Variants in NAV1 observed in about 807,000 individuals in gnomAD.
The protein encoded by NAV1 is pore membrane and/or filament interacting like protein 3.
Under a neutral mutation model 175.2 loss-of-function variants are expected in NAV1, and 18 were observed. The observed-to-expected ratio is 0.10, with a 90% CI of 0.07 to 0.15. The LOEUF is 0.15. NAV1 is among the 10% of genes least tolerant of loss of function. NAV1 has a pLI of 1.00. For missense variants in NAV1, 1,731 were observed against 2,436.6 expected (o/e 0.71, Z 6.10); for synonymous variants, 897 against 978.7 (o/e 0.92, Z 1.56).
chr1:201,769,400 T>C (rs944897520), intron 3 of NAV1, among the ~76,000 whole-genome samples: 1 of 152,206 alleles, frequency 6.6e-6, no homozygotes, highest in Admixed American at 6.5e-5. Context: ...CCATCAACTC[T>C]AGCAAGTGAG....
At chr1:201,766,858 A>G (rs947527389) in intron 3 of NAV1, among the ~76,000 whole-genome samples, 22 of 152,072 alleles carry the variant, frequency 1.4e-4, no homozygotes, top group African/African-American at 4.6e-4. Context: ...GAGTCTTGCT[A>G]TGTCGCCAGG....
At chr1:201,657,626 C>G (rs1215523127) in intron 1 of NAV1, among the ~76,000 whole-genome samples, 1 of 152,222 alleles carries the variant, frequency 6.6e-6, no homozygotes, top group Non-Finnish European at 1.5e-5. Flanking sequence ...CAGAGTGGCT[C>G]CCTGCCGGGG....
chr1:201,561,431 C>T (rs759070670), intron 1 of NAV1, among the ~76,000 whole-genome samples: 24 of 151,420 alleles, frequency 1.6e-4, no homozygotes, highest in Middle Eastern at 3.4e-3. Flanking sequence ...AATCCTGATT[C>T]TGTTACTTAC....
At chr1:201,652,600 C>T (rs1669248088) in intron 1 of NAV1, among the ~76,000 whole-genome samples, 3 of 152,094 alleles carry the variant, frequency 2.0e-5, no homozygotes, top group African/African-American at 7.2e-5. Flanking sequence ...AGGCTGCATT[C>T]CTGAGTTCTC....
intron 1 of NAV1, among the ~76,000 whole-genome samples, chr1:201,702,028 T>G (rs1055178673): frequency 6.6e-6 from 1 of 152,188 alleles, no homozygotes; most frequent in Non-Finnish European, 1.5e-5. Flanking sequence ...ATCCATACAA[T>G]GGAATATCAT....
At chr1:201,592,476 G>A (rs1382401033) in intron 2 of NAV1, among the ~76,000 whole-genome samples, 1 of 152,198 alleles carries the variant, frequency 6.6e-6, no homozygotes, top group Non-Finnish European at 1.5e-5. Context: ...CACAGCCAAG[G>A]TGGCAGTGCT....
chr1:201,600,348 C>T (rs779030259), intron 2 of NAV1, among the ~76,000 whole-genome samples: 9 of 152,194 alleles, frequency 5.9e-5, no homozygotes, highest in Non-Finnish European at 8.8e-5. Context: ...ACAATAACCC[C>T]AACGACTTCT....
At chr1:201,693,900 T>G (rs142091811) in intron 1 of NAV1, among the ~76,000 whole-genome samples, 1 of 152,328 alleles carries the variant, frequency 6.6e-6, no homozygotes, top group East Asian at 1.9e-4. Context: ...TTTGCATGGA[T>G]AAGATGTGCT....
At chr1:201,608,357 T>G (rs1667749019) in intron 2 of NAV1, among the ~76,000 whole-genome samples, 1 of 152,222 alleles carries the variant, frequency 6.6e-6, no homozygotes, top group South Asian at 2.1e-4. Flanking sequence ...TGCGAGTTTC[T>G]GATCCAAGTC....
intron 2 of NAV1, among the ~76,000 whole-genome samples, chr1:201,601,071 G>A (rs558938397): frequency 8.7e-4 from 133 of 152,342 alleles, no homozygotes; most frequent in African/African-American, 2.8e-3. Flanking sequence ...CTAGCTCCAG[G>A]GAGCTACTCA....
At chr1:201,592,036 C>A (rs181468989) in intron 2 of NAV1, among the ~76,000 whole-genome samples, 1 of 152,150 alleles carries the variant, frequency 6.6e-6, no homozygotes, top group Non-Finnish European at 1.5e-5. Context: ...CTAGACAATG[C>A]GAGGACAGTC....
chr1:201,630,677 G>A (rs1259502604), intron 2 of NAV1, among the ~76,000 whole-genome samples: 3 of 152,188 alleles, frequency 2.0e-5, no homozygotes, highest in African/African-American at 7.2e-5. Flanking sequence ...CTCAGCATTT[G>A]CAAAGCAAGC....
At chr1:201,541,188 T>G (rs1047432890) in intron 1 of NAV1, among the ~76,000 whole-genome samples, 1 of 152,188 alleles carries the variant, frequency 6.6e-6, no homozygotes, top group Non-Finnish European at 1.5e-5. Context: ...GTGAGTACCT[T>G]CCAGCCAAAC....
chr1:201,731,456 C>A (rs1157621745), intron 3 of NAV1, among the ~76,000 whole-genome samples: 1 of 152,042 alleles, frequency 6.6e-6, no homozygotes, highest in African/African-American at 2.4e-5. Flanking sequence ...GGGGAGTGAC[C>A]CAGAGCAGGG....
At chr1:201,600,424 T>C (rs1281656438) in intron 2 of NAV1, among the ~76,000 whole-genome samples, 1 of 152,222 alleles carries the variant, frequency 6.6e-6, no homozygotes, top group East Asian at 1.9e-4. Context: ...TCTTCAAACA[T>C]GGATCCTGGA....
At chr1:201,628,665 C>T (rs538071186) in intron 1 of NAV1, among the ~76,000 whole-genome samples, 42 of 152,228 alleles carry the variant, frequency 2.8e-4, no homozygotes, top group African/African-American at 8.9e-4. Context: ...AGACAGCGGG[C>T]GGATGGGTGG....
chr1:201,568,268 G>C (rs1666422543), intron 1 of NAV1, among the ~76,000 whole-genome samples: 1 of 152,154 alleles, frequency 6.6e-6, no homozygotes, highest in African/African-American at 2.4e-5. Flanking sequence ...CTTGTCCCTA[G>C]CTGGCAGTTT....
intron 7 of NAV1, among the ~76,000 whole-genome samples, chr1:201,784,346 C>T (rs1310097089): frequency 1.3e-5 from 2 of 152,058 alleles, no homozygotes; most frequent in Admixed American, 1.3e-4. Flanking sequence ...TTAGTAGAGA[C>T]CAGGTTTCAC....
rs748950334 is a variant in NAV1 at position 201,756,868 on chromosome 1, CTT to C, written c.1227-23551_1227-23550del. ...TCTTTCTTTCTTTCTTTCTTTCTTT[CTT>C]TCTTTCTTTCTTTCTCTGTCTTTCT... is the stretch of plus-strand genomic sequence containing the variant. On this transcript the variant is annotated intron_variant, in intron 3 of 29. Coordinates refer to ENST00000367296, the Ensembl canonical transcript of NAV1. 1.6e-3 allele frequency among the ~76,000 whole-genome samples: 191 copies of C among 122,394 alleles called. 4 individuals are homozygous for C. Among genetic ancestry groups the C allele is most frequent in the African/African-American group, 6.0e-3 (187 of 31,408 alleles). The allele number at this position is 122,394 out of a possible 152,430, so 80.3% of individuals were successfully genotyped here. A position where few individuals can be genotyped will look rare whatever the true frequency, so the allele number is the denominator to read the frequency against.
Sources: allele counts gnomAD v4.1 joint callset (sites outside exome capture counted in the v4.1 genomes callset), GRCh38; gene constraint gnomAD v4.1.1; transcripts MANE v1.5; gene names NCBI Gene and HGNC (gene_info 2026-07-23, HGNC 2026-07-21).